The following CDIN1 variants were observed in gnomAD, a reference collection of about 807,000 sequenced individuals.
CDIN1 encodes CDAN1-interacting nuclease 1.
In CDIN1, 33 loss-of-function variants were observed where a neutral mutation model predicts 45.3. The observed-to-expected ratio is 0.73, with a 90% CI of 0.55 to 0.97. The LOEUF (loss-of-function observed/expected upper bound fraction) is 0.97. Among genes scored for constraint, CDIN1 ranks in the 50% least tolerant of loss-of-function variants. The probability of loss-of-function intolerance (pLI) is 0.00; values close to 1 mark genes in which losing one functional copy is unlikely to be tolerated. For synonymous variants in CDIN1, 118 were observed against 124.4 expected (o/e 0.95, Z 0.34); for missense variants, 303 against 339.4 (o/e 0.89, Z 0.84).
intron 5 of CDIN1, among the ~76,000 whole-genome samples, chr15:36,681,828 T>A (rs963880871): frequency 6.6e-6 from 1 of 152,166 alleles, no homozygotes; most frequent in African/African-American, 2.4e-5. Context: ...AGTACAGATA[T>A]TTTTACATAA....
chr15:36,785,923 A>G (rs1454685349), intron 10 of CDIN1, among the ~76,000 whole-genome samples: 2 of 152,202 alleles, frequency 1.3e-5, no homozygotes, highest in East Asian at 3.9e-4. Flanking sequence ...GAGACATTTC[A>G]GAATATTGGC....
chr15:36,689,289 C>T (rs1458325011), intron 5 of CDIN1, among the ~76,000 whole-genome samples: 1 of 151,944 alleles, frequency 6.6e-6, no homozygotes, highest in African/African-American at 2.4e-5. Context: ...GGAGTATTGT[C>T]CCTTTTCTTT....
chr15:36,607,183 A>C (rs2038417653), intron 1 of CDIN1, among the ~76,000 whole-genome samples: 1 of 151,900 alleles, frequency 6.6e-6, no homozygotes, highest in Non-Finnish European at 1.5e-5. Flanking sequence ...AAGATCTTCC[A>C]CTCCTCTCCA....
In CDIN1 at chr15:36,701,415, G is replaced by GT. The variant is rs367878612; in HGVS notation, c.544+4033dup. Among the ~76,000 whole-genome samples, 332 of 151,922 alleles carry GT rather than the reference G, an allele frequency of 2.2e-3. 1 individual carries two copies. The highest frequency in any genetic ancestry group is 7.4e-3 in the African/African-American group (305 of 41,438). On this transcript the variant is annotated intron_variant, in intron 8 of 10. Coordinates refer to ENST00000566621, the MANE Select transcript of CDIN1 (RefSeq NM_001321759.2). ...CGTATTTTGCTGTGTTTTTTTGTGTGTTTTTTTTAGCAGCTTTGGACAAAA... is the reference window on the plus strand; with the variant it reads ...CGTATTTTGCTGTGTTTTTTTGTGTGTTTTTTTTTAGCAGCTTTGGACAAAA...
chr15:36,661,389 A>G (rs1294115145), intron 5 of CDIN1, among the ~76,000 whole-genome samples: 2 of 152,138 alleles, frequency 1.3e-5, no homozygotes, highest in Non-Finnish European at 2.9e-5. Flanking sequence ...ATGATTAATA[A>G]TAAGTAATAG....
chr15:36,608,007 C>CTCAAAA (rs2038462634), intron 1 of CDIN1, among the ~76,000 whole-genome samples: 1 of 152,126 alleles, frequency 6.6e-6, no homozygotes, highest in Non-Finnish European at 1.5e-5. Flanking sequence ...GGGATTCATT[C>CTCAAAA]GTGTTGTCTC....
At chr15:36,740,830 G>T (rs536173915) in intron 10 of CDIN1, among the ~76,000 whole-genome samples, 1 of 151,636 alleles carries the variant, frequency 6.6e-6, no homozygotes, top group Admixed American at 6.6e-5. Flanking sequence ...CGGAGGTTAC[G>T]GTGAGCTGAG....
intron 5 of CDIN1, among the ~76,000 whole-genome samples, chr15:36,685,324 C>T (rs997276135): frequency 2.9e-4 from 44 of 152,028 alleles, no homozygotes; most frequent in Non-Finnish European, 6.0e-4. Context: ...TTTCTGCCTT[C>T]ATTTCGTTAT....
intron 10 of CDIN1, among the ~76,000 whole-genome samples, chr15:36,753,090 C>G (rs1212860255): frequency 1.3e-5 from 2 of 152,126 alleles, no homozygotes; most frequent in African/African-American, 4.8e-5. Flanking sequence ...TTGTGCAAGC[C>G]TTTCGCATGA....
chr15:36,623,221 TTTTA>T (rs1328647006), intron 1 of CDIN1, among the ~76,000 whole-genome samples: 4 of 152,260 alleles, frequency 2.6e-5, no homozygotes, highest in South Asian at 2.1e-4. Flanking sequence ...CCCGCTGAAT[TTTTA>T]TTTCTTATGT....
intron 1 of CDIN1, chr15:36,641,539 C>T (rs997680049): frequency 1.3e-5 from 2 of 152,254 alleles, no homozygotes; most frequent in East Asian, 1.9e-4. Context: ...CAAGCAAAAC[C>T]GTTTTGATGG....
At chr15:36,752,009 G>A (rs985229385) in intron 10 of CDIN1, among the ~76,000 whole-genome samples, 1 of 152,118 alleles carries the variant, frequency 6.6e-6, no homozygotes, top group African/African-American at 2.4e-5. Flanking sequence ...GGGGTGCAGG[G>A]GAGGGAGAGC....
chr15:36,682,075 GTA>G (rs540291207), intron 5 of CDIN1, among the ~76,000 whole-genome samples: 133 of 151,474 alleles, frequency 8.8e-4, no homozygotes, highest in African/African-American at 2.7e-3. Flanking sequence ...AGGGGTGTGT[GTA>G]TGTGTGTGTG....
chr15:36,776,824 TC>T (rs1313885732), intron 10 of CDIN1, among the ~76,000 whole-genome samples: 1 of 152,202 alleles, frequency 6.6e-6, no homozygotes, highest in Non-Finnish European at 1.5e-5. Flanking sequence ...CTCTTTTTTT[TC>T]CTTACCTAAA....
At chr15:36,597,401 A>G (rs2037888736) in intron 1 of CDIN1, among the ~76,000 whole-genome samples, 1 of 152,174 alleles carries the variant, frequency 6.6e-6, no homozygotes, top group Admixed American at 6.5e-5. Flanking sequence ...CCAACTCTTA[A>G]AGCTATCTGT....
chr15:36,717,183 AAC>A (rs2043244501), intron 10 of CDIN1, among the ~76,000 whole-genome samples: 1 of 152,188 alleles, frequency 6.6e-6, no homozygotes, highest in Admixed American at 6.6e-5. Flanking sequence ...ATTGCGGTAT[AAC>A]TGACACAGAA....
At chr15:36,765,057 C>CTTTTTTTTTTTTTTTTTTTTTTT (rs377685100) in intron 10 of CDIN1, among the ~76,000 whole-genome samples, 1 of 139,644 alleles carries the variant, frequency 7.2e-6, no homozygotes, top group Non-Finnish European at 1.5e-5. Context: ...ATTTTTCTTT[C>CTTTTTTTTTTTTTTTTTTTTTTT]TTTCTTTTTT....
At chr15:36,681,250 CAG>C (rs1436111419) in intron 5 of CDIN1, among the ~76,000 whole-genome samples, 3 of 151,930 alleles carry the variant, frequency 2.0e-5, no homozygotes, top group African/African-American at 4.8e-5. Flanking sequence ...AATGAAATAA[CAG>C]TCATTGAGAA....
At chr15:36,723,757 A>G (rs2043521932) in intron 10 of CDIN1, among the ~76,000 whole-genome samples, 1 of 152,172 alleles carries the variant, frequency 6.6e-6, no homozygotes, top group Admixed American at 6.6e-5. Flanking sequence ...AACAAGTTCT[A>G]GCAAACTGGC....
Sources: allele counts gnomAD v4.1 joint callset (sites outside exome capture counted in the v4.1 genomes callset), GRCh38; gene constraint gnomAD v4.1.1; transcripts MANE v1.5; gene names NCBI Gene and HGNC (gene_info 2026-07-23, HGNC 2026-07-21).